Variants in MARCHF11 observed in about 807,000 individuals in gnomAD.
MARCHF11 encodes E3 ubiquitin-protein ligase MARCHF11.
A neutral mutation model predicts 37.3 loss-of-function variants in MARCHF11; 29 were observed. The observed-to-expected ratio is 0.78, with a 90% CI of 0.58 to 1.06. The LOEUF (loss-of-function observed/expected upper bound fraction) is 1.06. Ranked by LOEUF, MARCHF11 falls within the 50% of genes least tolerant of loss-of-function variation. MARCHF11 has a pLI of 0.00. For missense variants in MARCHF11, 482 were observed against 533.4 expected (o/e 0.90, Z 0.95); for synonymous variants, 233 against 228.0 (o/e 1.02, Z -0.20).
chr5:16,082,325 C>T (rs1482741170), intron 3 of MARCHF11, among the ~76,000 whole-genome samples: 1 of 152,116 alleles, frequency 6.6e-6, no homozygotes, highest in African/African-American at 2.4e-5. Flanking sequence ...TAGTCTGAAG[C>T]CAGGAAATAA....
At chr5:16,164,097 T>A (rs974833846) in intron 2 of MARCHF11, among the ~76,000 whole-genome samples, 2 of 152,086 alleles carry the variant, frequency 1.3e-5, no homozygotes, top group African/African-American at 2.4e-5. Flanking sequence ...TCAATGTCTG[T>A]TATTTATTAA....
At chr5:16,120,552 C>A (rs1160956832) in intron 2 of MARCHF11, among the ~76,000 whole-genome samples, 1 of 152,244 alleles carries the variant, frequency 6.6e-6, no homozygotes, top group Admixed American at 6.5e-5. Flanking sequence ...ATATTCTGAA[C>A]AAAATGTAAA....
intron 2 of MARCHF11, among the ~76,000 whole-genome samples, chr5:16,151,713 T>C (rs1259063319): frequency 6.8e-6 from 1 of 147,664 alleles, no homozygotes; most frequent in Non-Finnish European, 1.5e-5. Context: ...TGAAAGCTGA[T>C]GTCAATCAGA....
chr5:16,171,056 T>G (rs1041574050), intron 2 of MARCHF11, among the ~76,000 whole-genome samples: 1 of 152,142 alleles, frequency 6.6e-6, no homozygotes, highest in Non-Finnish European at 1.5e-5. Flanking sequence ...AAAGAAGCAA[T>G]GGTTTTAATA....
At chr5:16,178,256 A>G (rs1218697333) in intron 1 of MARCHF11, among the ~76,000 whole-genome samples, 1 of 152,240 alleles carries the variant, frequency 6.6e-6, no homozygotes, top group African/African-American at 2.4e-5. Flanking sequence ...GCATCCCAGA[A>G]AGCGGCATTA....
At chr5:16,155,299 G>A (rs946466127) in intron 2 of MARCHF11, among the ~76,000 whole-genome samples, 2 of 151,702 alleles carry the variant, frequency 1.3e-5, no homozygotes, top group Admixed American at 1.3e-4. Context: ...CTCTTAGAAG[G>A]TCACAGACTG....
Position 16,179,542 on chromosome 5 carries a change from A to C in MARCHF11, c.34T>G (p.Cys12Gly). ...SFEGGHGGSR[C>G]RGAESGDAEP... ...GCGTCCCCGCTCTCCGCCCCGCGAC[A>C]CCGACTGCCGCCGTGGCCGCCCTCA... Residue 12 changes from cysteine (C) to glycine (G), a missense_variant, in exon 1 of 4, where the codon TGT becomes GGT. Coordinates refer to ENST00000332432, the MANE Select transcript of MARCHF11 (RefSeq NM_001102562.3). 1 of 1,175,450 alleles carries C rather than the reference A, an allele frequency of 8.5e-7. No homozygotes were observed. The highest frequency in any genetic ancestry group is 3.7e-5 in the East Asian group (1 of 26,808). The allele number at this position is 1,175,450 out of a possible 1,614,324, so 72.8% of individuals were successfully genotyped here. A position where few individuals can be genotyped will look rare whatever the true frequency, so the allele number is the denominator to read the frequency against.
rs143275285 is a variant in MARCHF11, at chr5:16,113,417, G to A, written c.694-22336C>T. ...GACCAAAGTTCGGCAGAATACTCCT[G>A]AACATACTGAAGAGACTCAATGTTA... is the stretch of plus-strand genomic sequence containing the variant. On this transcript the variant is annotated intron_variant, in intron 2 of 3. Transcript: ENST00000332432. 1.1e-3 allele frequency among the ~76,000 whole-genome samples: 170 copies of A among 152,226 alleles called. 2 individuals carry two copies. The highest frequency in any genetic ancestry group is 3.9e-3 in the African/African-American group (164 of 41,550).
intron 3 of MARCHF11, among the ~76,000 whole-genome samples, chr5:16,068,514 G>A (rs761762065): frequency 1.7e-4 from 26 of 152,168 alleles, no homozygotes; most frequent in Non-Finnish European, 1.9e-4. Flanking sequence ...TCAAAAACAG[G>A]CAGGCTTGCT....
At chr5:16,125,821 C>A (rs553511324) in intron 2 of MARCHF11, among the ~76,000 whole-genome samples, 2 of 152,250 alleles carry the variant, frequency 1.3e-5, no homozygotes, top group South Asian at 4.1e-4. Flanking sequence ...TAGTACAAAT[C>A]CCTTATGGGT....
intron 2 of MARCHF11, among the ~76,000 whole-genome samples, chr5:16,141,837 A>G (rs916469515): frequency 4.6e-5 from 7 of 152,342 alleles, no homozygotes; most frequent in Non-Finnish European, 5.9e-5. Context: ...TATTTTGTGC[A>G]AAGCACTTTG....
Position 16,067,406 on chromosome 5 carries a change from C to T in MARCHF11, c.*65G>A. On this transcript the variant is annotated 3_prime_UTR_variant, in exon 4 of 4. Coordinates refer to ENST00000332432, the MANE Select transcript of MARCHF11 (RefSeq NM_001102562.3). ...TGTTTTTAGAAGTGCTATGGTTTTG[C>T]CATTCACTGCAATTACATTGCAAAA... is the stretch of plus-strand genomic sequence containing the variant. 2 of 1,442,608 alleles carry T rather than the reference C, an allele frequency of 1.4e-6. No individual in the cohort carries two copies. Among genetic ancestry groups the T allele is most frequent in the Non-Finnish European group, 9.5e-7 (1 of 1,050,882 alleles). The allele number at this position is 1,442,608 out of a possible 1,614,324, so 89.4% of individuals were successfully genotyped here. A position where few individuals can be genotyped will look rare whatever the true frequency, so the allele number is the denominator to read the frequency against.
chr5:16,079,658 T>A (rs979369244), intron 3 of MARCHF11, among the ~76,000 whole-genome samples: 2 of 152,198 alleles, frequency 1.3e-5, no homozygotes, highest in African/African-American at 4.8e-5. Flanking sequence ...CTCAGCCTCC[T>A]CTCCCCAGGG....
chr5:16,166,346 C>A (rs2126607302), intron 2 of MARCHF11, among the ~76,000 whole-genome samples: 1 of 152,034 alleles, frequency 6.6e-6, no homozygotes, highest in South Asian at 2.1e-4. Flanking sequence ...CCTCAACAGA[C>A]AAGAGCTAGA....
At chr5:16,178,269 CT>C (rs1237224166) in intron 1 of MARCHF11, among the ~76,000 whole-genome samples, 3 of 151,990 alleles carry the variant, frequency 2.0e-5, no homozygotes, top group East Asian at 1.9e-4. Flanking sequence ...CGGCATTATG[CT>C]TTTTTTTCTA....
intron 2 of MARCHF11, among the ~76,000 whole-genome samples, chr5:16,102,876 C>G (rs371195526): frequency 3.9e-5 from 6 of 152,336 alleles, no homozygotes; most frequent in East Asian, 3.9e-4. Flanking sequence ...CATGCTCCCC[C>G]TCTTGCAAGC....
At chr5:16,091,619 T>A (rs1370673135) in intron 2 of MARCHF11, among the ~76,000 whole-genome samples, 1 of 152,230 alleles carries the variant, frequency 6.6e-6, no homozygotes, top group African/African-American at 2.4e-5. Flanking sequence ...AAATTGTACA[T>A]TATCTGTTAT....
intron 1 of MARCHF11, 103 bp downstream of exon 1, chr5:16,178,936 G>A: frequency 3.8e-6 from 5 of 1,304,802 alleles, no homozygotes; most frequent in Non-Finnish European, 3.9e-6. Context: ...AGCCTCACTG[G>A]AGGCAAACTG....
chr5:16,121,609 G>A (rs939289958), intron 2 of MARCHF11, among the ~76,000 whole-genome samples: 2 of 152,168 alleles, frequency 1.3e-5, no homozygotes, highest in Admixed American at 6.5e-5. Flanking sequence ...ACATTTGAGT[G>A]GATACCTGAA....
Sources: allele counts gnomAD v4.1 joint callset (sites outside exome capture counted in the v4.1 genomes callset), GRCh38; gene constraint gnomAD v4.1.1; transcripts MANE v1.5; gene names NCBI Gene and HGNC (gene_info 2026-07-23, HGNC 2026-07-21).